ADAM21: variants seen among roughly 807,000 people sequenced by gnomAD.
ADAM21 encodes the protein ADAM metallopeptidase domain 21.
For missense variants in ADAM21, 678 were observed against 874.4 expected, an observed-to-expected ratio of 0.78 and a Z score of 2.83; for synonymous variants, 262 against 306.0, an observed-to-expected ratio of 0.86 and a Z score of 1.50.
At chr14:70,452,813 T>A (rs73291972) in intron 1 of ADAM21, among the ~76,000 whole-genome samples, 30,541 of 151,962 alleles carry the variant, frequency 0.2, 4,408 homozygotes, top group East Asian at 0.53. Context: ...CAGGATGAGG[T>A]AGTCACCTCA....
Position 70,459,798 on chromosome 14 carries a change from C to T in ADAM21, c.*130C>T. 5 of 1,068,964 alleles carry T rather than the reference C, an allele frequency of 4.7e-6. No homozygotes were observed. Among genetic ancestry groups the T allele is most frequent in the Non-Finnish European group, 6.7e-6 (5 of 741,726 alleles). The allele number at this position is 1,068,964 out of a possible 1,614,324, so 66.2% of individuals were successfully genotyped here. A position where few individuals can be genotyped will look rare whatever the true frequency, so the allele number is the denominator to read the frequency against. Reference sequence around the variant, plus strand: ...AGAAAGCTGCAAAGATCTTCCCTTACATTAGTACCACAAACATTGTCATTA... The same window carrying T: ...AGAAAGCTGCAAAGATCTTCCCTTATATTAGTACCACAAACATTGTCATTA... On this transcript the variant is annotated 3_prime_UTR_variant, in exon 2 of 2. Transcript: ENST00000603540.
Position 70,459,563 on chromosome 14 carries a change from G to C in ADAM21, c.2064G>C (p.Val688=), listed in dbSNP as rs1882493853. The change falls in exon 2 of 2, where the codon GTG becomes GTC. Residue 688 remains valine (V), a synonymous_variant. Coordinates refer to ENST00000603540, the MANE Select transcript of ADAM21 (RefSeq NM_003813.4). The part of the protein sequence containing the change: ...AKRGVFLPLI[V]IPSLSVLTFL... ...GAGGAGTTTTTTTGCCGCTGATTGT[G>C]ATTCCTTCTTTGTCTGTTTTGACTT... The C allele has an allele frequency of 6.2e-7, 1 of 1,614,148 alleles. No homozygotes were observed. The highest frequency in any genetic ancestry group is 8.5e-7 in the Non-Finnish European group (1 of 1,180,012).
In ADAM21 at chr14:70,459,573, T is replaced by C. The variant is rs957499020; in HGVS notation, c.2074T>C (p.Leu692=). Reference sequence around the variant, plus strand: ...TTTGCCGCTGATTGTGATTCCTTCTTTGTCTGTTTTGACTTTCCTGTTTAC... The same window carrying C: ...TTTGCCGCTGATTGTGATTCCTTCTCTGTCTGTTTTGACTTTCCTGTTTAC... ...VFLPLIVIPS[L]SVLTFLFTVG... The change falls in exon 2 of 2, where the codon TTG becomes CTG. Residue 692 remains leucine (L), a synonymous_variant. Coordinates refer to ENST00000603540, the MANE Select transcript of ADAM21 (RefSeq NM_003813.4). The C allele has an allele frequency of 1.2e-6, 2 of 1,614,014 alleles. No homozygotes were observed. The highest frequency in any genetic ancestry group is 2.2e-5 in the East Asian group (1 of 44,900).
intron 1 of ADAM21, among the ~76,000 whole-genome samples, chr14:70,455,036 A>C (rs146443471): frequency 1.4e-3 from 212 of 152,334 alleles, no homozygotes; most frequent in African/African-American, 3.8e-3. Context: ...AGTAAATTCT[A>C]TTAAAGCTCA....
At chr14:70,453,035 C>CGTGTGTGT (rs10676561) in intron 1 of ADAM21, among the ~76,000 whole-genome samples, 123 of 148,706 alleles carry the variant, frequency 8.3e-4, no homozygotes, top group African/African-American at 2.9e-3. Context: ...TTGAATTTGG[C>CGTGTGTGT]GTGTGTGTGT....
At chr14:70,455,708 C>G (rs1489493078) in intron 1 of ADAM21, among the ~76,000 whole-genome samples, 1 of 151,928 alleles carries the variant, frequency 6.6e-6, no homozygotes, top group Non-Finnish European at 1.5e-5. Flanking sequence ...AGGCATTTGC[C>G]TTTCCCTAGT....
rs1248458141 is a variant in ADAM21 at position 70,459,627 on chromosome 14, T to C, written c.2128T>C (p.Cys710Arg). The C allele has an allele frequency of 6.2e-7, 1 of 1,614,180 alleles. No homozygotes were observed. The highest frequency in any genetic ancestry group is 8.5e-7 in the Non-Finnish European group (1 of 1,180,014). The change falls in exon 2 of 2, where the codon TGT becomes CGT. Residue 710 changes from cysteine to arginine, a missense_variant. Cys to Arg is a radical substitution (Grantham distance 180). Coordinates refer to ENST00000603540, the MANE Select transcript of ADAM21 (RefSeq NM_003813.4). ...TVGLLMYLRQ[C>R]SGPKETKAHS... ...CGGGCTTCTTATGTATCTACGACAATGTTCTGGTCCCAAAGAAACTAAGGC... is the reference window on the plus strand; with the variant it reads ...CGGGCTTCTTATGTATCTACGACAACGTTCTGGTCCCAAAGAAACTAAGGC...
chr14:70,456,770 A>G (rs1882416863), intron 1 of ADAM21, among the ~76,000 whole-genome samples: 2 of 152,208 alleles, frequency 1.3e-5, no homozygotes, highest in African/African-American at 2.4e-5. Context: ...ACATAGAGCT[A>G]TATGAGGCAT....
chr14:70,455,899 T>C (rs1256442511), intron 1 of ADAM21, among the ~76,000 whole-genome samples: 1 of 152,186 alleles, frequency 6.6e-6, no homozygotes, highest in African/African-American at 2.4e-5. Flanking sequence ...TTTTCTTGTA[T>C]AGTGACTAAT....
chr14:70,457,090 T>C (rs1266576954), intron 1 of ADAM21, among the ~76,000 whole-genome samples: 1 of 152,226 alleles, frequency 6.6e-6, no homozygotes. Context: ...CTTTTGCTTT[T>C]ACTTTTTATT....
intron 1 of ADAM21, 54 bp from the exon 2 acceptor site, chr14:70,457,295 T>A: frequency 1.5e-6 from 1 of 655,992 alleles, no homozygotes. Context: ...TCTTTTTCTC[T>A]CCTGATTCCT....
At chr14:70,452,546 T>C (rs1474216202) in intron 1 of ADAM21, among the ~76,000 whole-genome samples, 1 of 152,176 alleles carries the variant, frequency 6.6e-6, no homozygotes, top group Admixed American at 6.5e-5. Context: ...TTTTGTATTT[T>C]TAGTAGAAAC....
In ADAM21 at chr14:70,458,191, T is replaced by C; in HGVS notation, c.692T>C (p.Val231Ala). Residue 231 changes from valine (V) to alanine (A), a missense_variant, in exon 2 of 2, where the codon GTG becomes GCG. Val to Ala is a moderately conservative substitution (Grantham distance 64). Transcript: ENST00000603540. ...FIYSQSNISKVQEDVFLVVNI... is the reference protein window; with the variant it reads ...FIYSQSNISKAQEDVFLVVNI... ...TACTCTCAAAGCAACATCTCAAAGG[T>C]GCAAGAGGATGTATTTCTTGTTGTC... is the stretch of plus-strand genomic sequence containing the variant. 1 of 1,613,874 alleles carries C rather than the reference T, an allele frequency of 6.2e-7. No individual in the cohort carries two copies. The highest frequency in any genetic ancestry group is 8.5e-7 in the Non-Finnish European group (1 of 1,179,952).
chr14:70,457,862 T>G lies in ADAM21; in HGVS notation c.363T>G (p.Ser121=). The part of the protein sequence containing the change: ...YHGYVEAAPE[S]LVVFSACFGG... ...GTTACGTGGAGGCAGCCCCTGAGTC[T>G]CTGGTTGTGTTCAGTGCTTGTTTTG... Residue 121 remains serine, a synonymous_variant, in exon 2 of 2, where the codon TCT becomes TCG. Transcript: ENST00000603540. The G allele has an allele frequency of 6.2e-7, 1 of 1,613,870 alleles. No homozygotes were observed. Among genetic ancestry groups the G allele is most frequent in the Non-Finnish European group, 8.5e-7 (1 of 1,179,970 alleles).
At chr14:70,455,956 C>G (rs1882394397) in intron 1 of ADAM21, among the ~76,000 whole-genome samples, 1 of 152,058 alleles carries the variant, frequency 6.6e-6, no homozygotes, top group Non-Finnish European at 1.5e-5. Context: ...CATTGCTGAG[C>G]CCCTTACAGG....
In ADAM21 at chr14:70,455,756, TAGAAA is replaced by T. The variant is rs1889094514; in HGVS notation, c.-151-1586_-151-1582del. Among the ~76,000 whole-genome samples, 3 of 152,294 alleles carry T rather than the reference TAGAAA, an allele frequency of 2.0e-5. No homozygotes were observed. The South Asian group carries it at 6.2e-4, about 32-fold the overall frequency. On this transcript the variant is annotated intron_variant, in intron 1 of 1. Transcript: ENST00000603540. Reference sequence around the variant, plus strand: ...AATTCATTTTGTATTATTAATAGTTTAGAAAAGAAAATTCAGCTTCACAGCTTGTT... The same window carrying T: ...AATTCATTTTGTATTATTAATAGTTTAGAAAATTCAGCTTCACAGCTTGTT...
rs779930858 is a variant in ADAM21 at position 70,458,311 on chromosome 14, G to T, written c.812G>T (p.Ser271Ile). The stretch of plus-strand genomic sequence containing the variant: ...CAAGGAAATGTTTTCCCAATGACAA[G>T]CATAGAACAGGTCCTGAACGATTTC... ...WNQGNVFPMT[S>I]IEQVLNDFSQ... is the part of the protein sequence containing the mutation. The change falls in exon 2 of 2, where the codon AGC becomes ATC. Residue 271 changes from serine (S) to isoleucine (I), a missense_variant. Physicochemically the swap from Ser to Ile is moderately radical, Grantham distance 142. Transcript: ENST00000603540. 1.2e-5 allele frequency: 20 copies of T among 1,613,980 alleles called. No individual in the cohort carries two copies. The highest frequency in any genetic ancestry group is 3.3e-5 in the Admixed American group (2 of 60,002).
In ADAM21 at chr14:70,458,082, C is replaced by G. The variant is rs1174552517; in HGVS notation, c.583C>G (p.Leu195Val). ...ATTTGAAGAGGCTGAGAACTCAGCTCTGGAACCAAAATCTGCTGGTGACTG... is the reference window on the plus strand; with the variant it reads ...ATTTGAAGAGGCTGAGAACTCAGCTGTGGAACCAAAATCTGCTGGTGACTG... ...LEFEEAENSA[L>V]EPKSAGDWWT... Residue 195 changes from leucine to valine, a missense_variant, in exon 2 of 2, where the codon CTG (leucine) becomes GTG (valine). Coordinates refer to ENST00000603540, the MANE Select transcript of ADAM21 (RefSeq NM_003813.4). 1.9e-6 allele frequency: 3 copies of G among 1,614,032 alleles called. No individual in the cohort carries two copies. Among genetic ancestry groups the G allele is most frequent in the Admixed American group, 3.3e-5 (2 of 60,006 alleles).
Position 70,459,792 on chromosome 14 carries a change from CCCTTA to C in ADAM21, c.*126_*130del, listed in dbSNP as rs1462969479. On this transcript the variant is annotated 3_prime_UTR_variant, in exon 2 of 2. Transcript: ENST00000603540. ...ATTTCCAGAAAGCTGCAAAGATCTT[CCCTTA>C]CATTAGTACCACAAACATTGTCATT... 27 of 1,147,448 alleles carry C rather than the reference CCCTTA, an allele frequency of 2.4e-5. No individual in the cohort carries two copies. In the Admixed American group the frequency reaches 3.8e-4, roughly 16 times the overall value. 71.1% of individuals were successfully genotyped at this position (1,147,448 alleles called of 1,614,324 possible). A position where few individuals can be genotyped will look rare whatever the true frequency, so the allele number is the denominator to read the frequency against.
Sources: allele counts gnomAD v4.1 joint callset (sites outside exome capture counted in the v4.1 genomes callset), GRCh38; gene constraint gnomAD v4.1.1; transcripts MANE v1.5; gene names NCBI Gene and HGNC (gene_info 2026-07-23, HGNC 2026-07-21).